Variants in CELF2 observed in about 807,000 individuals in gnomAD.
CELF2 encodes CUGBP Elav-like family member 2, also known as CUG triplet repeat RNA-binding protein 2.
CELF2 carries 8 observed loss-of-function variants against 62.6 expected under a neutral mutation model. The ratio of observed to expected loss-of-function variants is 0.13; its 90% CI spans 0.07 to 0.23. The LOEUF (loss-of-function observed/expected upper bound fraction) is 0.23. CELF2 is among the 10% of genes least tolerant of loss of function. The pLI is 1.00. For synonymous variants in CELF2, 258 were observed against 250.0 expected, an observed-to-expected ratio of 1.03 and a Z score of -0.30; for missense variants, 333 against 671.0, an observed-to-expected ratio of 0.50 and a Z score of 5.56.
At chr10:10,580,064 G>C in the CELF2 span, among the ~76,000 whole-genome samples, 1 of 152,108 alleles carries the variant, frequency 6.6e-6, no homozygotes, top group Admixed American at 6.5e-5. Context: ...AGTAATAATA[G>C]TGATGATGCA....
At chr10:11,105,038 T>C (rs1595368109) in intron 1 of CELF2, among the ~76,000 whole-genome samples, 2 of 152,170 alleles carry the variant, frequency 1.3e-5, no homozygotes, top group East Asian at 3.8e-4. Flanking sequence ...GCCAAGCATC[T>C]TTTTTTCCAA....
the CELF2 span, among the ~76,000 whole-genome samples, chr10:10,737,176 G>A: frequency 5.1e-4 from 77 of 152,060 alleles, no homozygotes; most frequent in African/African-American, 1.6e-3. Context: ...CTAACTATCC[G>A]TCAAATGTTT....
the CELF2 span, among the ~76,000 whole-genome samples, chr10:10,737,061 C>G: frequency 0.22 from 33,333 of 152,042 alleles, 4,362 homozygotes; most frequent in South Asian, 0.48. Flanking sequence ...CTGGTAGTTT[C>G]TGAGATGTTT....
intron 1 of CELF2, among the ~76,000 whole-genome samples, chr10:10,902,776 G>A (rs546481197): frequency 8.8e-4 from 134 of 151,840 alleles, no homozygotes; most frequent in Non-Finnish European, 1.5e-3. Context: ...GGAAAGGAGG[G>A]AGGGAGGAGA....
the CELF2 span, among the ~76,000 whole-genome samples, chr10:10,621,382 T>A: frequency 0.34 from 51,389 of 152,104 alleles, 9,929 homozygotes; most frequent in South Asian, 0.61. Flanking sequence ...AAGCTTTTTT[T>A]TGAGAACATT....
At chr10:10,977,428 C>T (rs1478419052) in intron 2 of CELF2, among the ~76,000 whole-genome samples, 2 of 152,290 alleles carry the variant, frequency 1.3e-5, no homozygotes, top group African/African-American at 2.4e-5. Context: ...CTGGCAGGTT[C>T]ATATGCAACC....
chr10:11,298,832 T>G (rs1021789080), intron 9 of CELF2, among the ~76,000 whole-genome samples: 3 of 152,296 alleles, frequency 2.0e-5, no homozygotes, highest in Admixed American at 1.3e-4. Flanking sequence ...AACAGAAGAC[T>G]AGGTTAAAAC....
At chr10:10,621,800 T>C in the CELF2 span, among the ~76,000 whole-genome samples, 1 of 152,158 alleles carries the variant, frequency 6.6e-6, no homozygotes, top group Non-Finnish European at 1.5e-5. Flanking sequence ...AGAAGATACT[T>C]GCCATAAGAG....
At chr10:11,068,849 C>T (rs988026543) in intron 1 of CELF2, among the ~76,000 whole-genome samples, 12 of 152,174 alleles carry the variant, frequency 7.9e-5, no homozygotes, top group Non-Finnish European at 1.2e-4. Context: ...CGTGAGCCAC[C>T]GCACCCGGCC....
the CELF2 span, among the ~76,000 whole-genome samples, chr10:10,630,479 A>T: frequency 6.6e-6 from 1 of 152,216 alleles, no homozygotes; most frequent in South Asian, 2.1e-4. Context: ...CCCTCACTGC[A>T]GAAAGAGGCT....
intron 1 of CELF2, among the ~76,000 whole-genome samples, chr10:10,834,879 A>G (rs7918910): frequency 0.76 from 115,972 of 152,118 alleles, 45,123 homozygotes; most frequent in East Asian, 0.97. Context: ...CTCCAGGCTC[A>G]CCTTTCTCAG....
the CELF2 span, among the ~76,000 whole-genome samples, chr10:10,789,858 T>C: frequency 6.6e-6 from 1 of 152,136 alleles, no homozygotes; most frequent in Admixed American, 6.5e-5. Context: ...AATTTGTCTT[T>C]CATTTTTACT....
intron 2 of CELF2, among the ~76,000 whole-genome samples, chr10:11,192,732 T>C (rs1025854563): frequency 6.6e-6 from 1 of 152,154 alleles, no homozygotes; most frequent in Non-Finnish European, 1.5e-5. Flanking sequence ...GGGACTCAAA[T>C]GGGATGCCAT....
At chr10:10,978,594 A>G (rs2051653486) in intron 2 of CELF2, among the ~76,000 whole-genome samples, 1 of 152,242 alleles carries the variant, frequency 6.6e-6, no homozygotes, top group Non-Finnish European at 1.5e-5. Context: ...AAAACACAAA[A>G]GTTGTACTAC....
At chr10:11,189,452 G>A (rs7081571) in intron 2 of CELF2, among the ~76,000 whole-genome samples, 15,874 of 152,154 alleles carry the variant, frequency 0.1, 918 homozygotes, top group East Asian at 0.17. Context: ...TAATGTAATC[G>A]TTGATAAAAT....
intron 1 of CELF2, among the ~76,000 whole-genome samples, chr10:11,134,126 G>A (rs973327224): frequency 3.3e-5 from 5 of 152,180 alleles, no homozygotes; most frequent in African/African-American, 7.2e-5. Context: ...GAGGATCGCC[G>A]TCCTTCCCTT....
At chr10:10,462,615 C>CTTTTTTTTTTTTTTTTTTTTTTTG in the CELF2 span, among the ~76,000 whole-genome samples, 1 of 69,414 alleles carries the variant, frequency 1.4e-5, no homozygotes, top group African/African-American at 5.7e-5. Context: ...TTTTTTTCAT[C>CTTTTTTTTTTTTTTTTTTTTTTTG]TTTTTTTTTT....
chr10:11,288,624 G>A (rs1265465071), intron 9 of CELF2, 72 bp downstream of exon 9: 2 of 1,559,416 alleles, frequency 1.3e-6, no homozygotes, highest in East Asian at 2.3e-5. Context: ...GTGCCTCCAG[G>A]TGCGAGGGTG....
Position 11,165,280 on chromosome 10 carries a change from G to T in CELF2, c.75-206G>T, listed in dbSNP as rs1401817002. 7.9e-6 allele frequency: 11 copies of T among 1,388,970 alleles called. No homozygotes were observed. In the East Asian group the frequency reaches 2.5e-4, roughly 32 times the overall value. 86.0% of individuals were successfully genotyped at this position (1,388,970 alleles called of 1,614,324 possible). ...CCCCGGCTCTGCTCGACAGCAGCAC[G>T]CAGTGAGAGCCTCGCCGCCGCCGAG... On this transcript the variant is annotated intron_variant, in intron 1 of 12. Transcript: ENST00000633077. This position sits in a 1 kb window ranked among gnomAD's most constrained non-coding sequence, Gnocchi z 7.4.
Sources: gnomAD v4.1 joint callset for allele counts (sites outside exome capture counted in the v4.1 genomes callset) on GRCh38, gnomAD v4.1.1 for gene constraint, Gnocchi (gnomAD v3.1) non-coding constraint, MANE v1.5 for transcripts, NCBI Gene and HGNC (gene_info 2026-07-23, HGNC 2026-07-21) for gene names.